Variants in TNNI3K observed in about 807,000 individuals in gnomAD.
The protein encoded by TNNI3K is serine/threonine-protein kinase TNNI3K.
TNNI3K carries 140 observed loss-of-function variants against 114.5 expected under a neutral mutation model. That is an observed-to-expected ratio of 1.22 (90% CI 1.07 to 1.41). The LOEUF is 1.41. TNNI3K is among the 40% of genes most tolerant of loss of function. The probability of loss-of-function intolerance (pLI) is 0.00; values close to 1 mark genes in which losing one functional copy is unlikely to be tolerated. For missense variants in TNNI3K, 1,125 were observed against 1,007.6 expected (o/e 1.12, Z -1.58); for synonymous variants, 347 against 347.5 (o/e 1.00, Z 0.02).
At chr1:74,353,445 G>A (rs938015715) in intron 10 of TNNI3K, 85 bp downstream of exon 10, 6 of 1,459,796 alleles carry the variant, frequency 4.1e-6, no homozygotes, top group Non-Finnish European at 5.6e-6. Flanking sequence ...TGGGGGCATT[G>A]GGAGTGCTCA....
chr1:74,265,233 A>G (rs1161455454), intron 4 of TNNI3K, among the ~76,000 whole-genome samples: 2 of 152,066 alleles, frequency 1.3e-5, no homozygotes, highest in African/African-American at 4.8e-5. Context: ...TTTAAAGGTG[A>G]CACCTGTGAA....
At chr1:74,508,000 A>G (rs1669991844) in intron 23 of TNNI3K, among the ~76,000 whole-genome samples, 1 of 152,208 alleles carries the variant, frequency 6.6e-6, no homozygotes. Context: ...AGTAGTTTGT[A>G]TGGAAAATAG....
intron 17 of TNNI3K, among the ~76,000 whole-genome samples, chr1:74,392,658 T>C (rs1056369098): frequency 3.3e-5 from 5 of 152,216 alleles, no homozygotes; most frequent in Non-Finnish European, 5.9e-5. Flanking sequence ...GACTTCCTGT[T>C]TTCCACACTC....
At chr1:74,297,477 C>A (rs1444358501) in intron 5 of TNNI3K, among the ~76,000 whole-genome samples, 2 of 151,434 alleles carry the variant, frequency 1.3e-5, no homozygotes. Context: ...TGAGGGCTCT[C>A]ACCAGAACCT....
chr1:74,444,734 CA>C (rs963908416), intron 20 of TNNI3K, among the ~76,000 whole-genome samples: 2 of 149,648 alleles, frequency 1.3e-5, no homozygotes, highest in African/African-American at 2.5e-5. Context: ...CAATCCTAAG[CA>C]AAAAAAATAA....
At chr1:74,244,188 C>T (rs1161061508) in intron 2 of TNNI3K, among the ~76,000 whole-genome samples, 1 of 152,054 alleles carries the variant, frequency 6.6e-6, no homozygotes, top group Non-Finnish European at 1.5e-5. Flanking sequence ...TAAAGTTGAG[C>T]TAAAAATTGT....
chr1:74,527,882 G>T (rs1020833696), intron 23 of TNNI3K, among the ~76,000 whole-genome samples: 1 of 152,224 alleles, frequency 6.6e-6, no homozygotes, highest in South Asian at 2.1e-4. Flanking sequence ...GAATGTCTAT[G>T]TGGTGGATGG....
chr1:74,359,699 T>C (rs551219450), intron 11 of TNNI3K, among the ~76,000 whole-genome samples: 1 of 152,154 alleles, frequency 6.6e-6, no homozygotes, highest in East Asian at 1.9e-4. Context: ...TTTAAAACTA[T>C]AGCACAAATT....
At chr1:74,371,433 G>A (rs913568916) in intron 17 of TNNI3K, 1 of 151,744 alleles carries the variant, frequency 6.6e-6, no homozygotes, top group Admixed American at 6.6e-5. Flanking sequence ...ACAAGATTTA[G>A]TACAAAAATT....
intron 7 of TNNI3K, among the ~76,000 whole-genome samples, chr1:74,339,671 G>A (rs1660654003): frequency 6.6e-6 from 1 of 152,032 alleles, no homozygotes; most frequent in Non-Finnish European, 1.5e-5. Context: ...GCATGTTTGA[G>A]AGGCTGACCT....
At chr1:74,490,640 C>T (rs933481616) in intron 22 of TNNI3K, among the ~76,000 whole-genome samples, 2 of 152,154 alleles carry the variant, frequency 1.3e-5, no homozygotes, top group African/African-American at 4.8e-5. Flanking sequence ...GAGAGTCAGC[C>T]TAAAGAGGCT....
At chr1:74,481,219 T>C (rs1326227958) in intron 21 of TNNI3K, among the ~76,000 whole-genome samples, 1 of 152,250 alleles carries the variant, frequency 6.6e-6, no homozygotes, top group Non-Finnish European at 1.5e-5. Context: ...ACCCATCTGT[T>C]ACTTTAGATG....
At chr1:74,526,005 G>C (rs756035849) in intron 23 of TNNI3K, among the ~76,000 whole-genome samples, 58 of 152,204 alleles carry the variant, frequency 3.8e-4, no homozygotes, top group Non-Finnish European at 6.3e-4. Flanking sequence ...GGTGTTGTGT[G>C]ATGAGGCAAA....
At chr1:74,390,131 A>T (rs912491106) in intron 17 of TNNI3K, among the ~76,000 whole-genome samples, 1 of 152,344 alleles carries the variant, frequency 6.6e-6, no homozygotes. Context: ...TGTAGAGAGC[A>T]TCTTCATAGC....
chr1:74,297,176 A>T (rs1658039178), intron 5 of TNNI3K, among the ~76,000 whole-genome samples: 1 of 152,078 alleles, frequency 6.6e-6, no homozygotes, highest in Admixed American at 6.6e-5. Flanking sequence ...TTCAACATAG[A>T]TCAACACCAT....
intron 23 of TNNI3K, among the ~76,000 whole-genome samples, chr1:74,531,976 G>A (rs191272215): frequency 6.6e-6 from 1 of 152,296 alleles, no homozygotes; most frequent in African/African-American, 2.4e-5. Flanking sequence ...TAGCCTGAGG[G>A]CATTGTTAGC....
chr1:74,498,342 C>A (rs1320802051), intron 23 of TNNI3K, among the ~76,000 whole-genome samples: 5 of 152,156 alleles, frequency 3.3e-5, no homozygotes. Context: ...TTTCTGGGGG[C>A]TACCCCATCT....
chr1:74,472,151 A>T, intron 21 of TNNI3K: 1 of 717,184 alleles, frequency 1.4e-6, no homozygotes, highest in East Asian at 2.7e-5. Context: ...TCTCCTGCCA[A>T]GGCTGAAGCG....
At chr1:74,458,963 T>C (rs1218415359) in intron 20 of TNNI3K, among the ~76,000 whole-genome samples, 4 of 152,192 alleles carry the variant, frequency 2.6e-5, no homozygotes, top group African/African-American at 4.8e-5. Flanking sequence ...TTTATGTCCA[T>C]GTGTACCCAA....
Sources: gnomAD v4.1 joint callset for allele counts (sites outside exome capture counted in the v4.1 genomes callset) on GRCh38, gnomAD v4.1.1 for gene constraint, MANE v1.5 for transcripts, NCBI Gene and HGNC (gene_info 2026-07-23, HGNC 2026-07-21) for gene names.